Variants in XKR6 observed in about 807,000 individuals in gnomAD.
XKR6 encodes the protein XK-related protein 6.
In XKR6, 22 loss-of-function variants were observed where a neutral mutation model predicts 56.7. The ratio of observed to expected loss-of-function variants is 0.39; its 90% CI spans 0.28 to 0.55. The LOEUF is 0.55. XKR6 is among the 20% of genes least tolerant of loss of function. The pLI, the probability that XKR6 is intolerant of heterozygous loss-of-function variation, is 0.66. For synonymous variants in XKR6, 524 were observed against 387.8 expected, an observed-to-expected ratio of 1.35 and a Z score of -4.13; for missense variants, 852 against 889.0, an observed-to-expected ratio of 0.96 and a Z score of 0.53.
chr8:10,977,686 T>G (rs1228263255), intron 1 of XKR6, among the ~76,000 whole-genome samples: 1 of 147,534 alleles, frequency 6.8e-6, no homozygotes, highest in African/African-American at 2.5e-5. Flanking sequence ...ATCACGGAGG[T>G]GGGTTCGGGG....
At chr8:11,023,319 C>T (rs938833715) in intron 1 of XKR6, among the ~76,000 whole-genome samples, 33 of 152,214 alleles carry the variant, frequency 2.2e-4, no homozygotes, top group Admixed American at 6.5e-5. Flanking sequence ...CACAGGCCCC[C>T]GAAGTCATCT....
intron 1 of XKR6, among the ~76,000 whole-genome samples, chr8:11,115,884 G>C (rs993999493): frequency 3.3e-5 from 5 of 152,200 alleles, no homozygotes; most frequent in African/African-American, 1.2e-4. Context: ...TTTTCATGGA[G>C]TCTAACTAAA....
chr8:11,065,277 G>A (rs927526211), intron 1 of XKR6, among the ~76,000 whole-genome samples: 1 of 152,192 alleles, frequency 6.6e-6, no homozygotes, highest in Admixed American at 6.5e-5. Context: ...TAGTCACTTC[G>A]TAACTATGAA....
At chr8:11,045,857 T>TA (rs1238687702) in intron 1 of XKR6, among the ~76,000 whole-genome samples, 3 of 152,216 alleles carry the variant, frequency 2.0e-5, no homozygotes, top group African/African-American at 7.2e-5. Context: ...ACTTGTAAGT[T>TA]AAAAAATAAA....
intron 1 of XKR6, among the ~76,000 whole-genome samples, chr8:10,929,909 T>C (rs1360899784): frequency 6.6e-6 from 1 of 152,218 alleles, no homozygotes; most frequent in Non-Finnish European, 1.5e-5. Flanking sequence ...TTGTAAGCCA[T>C]GGAATTGTTT....
rs372175864 is a variant in XKR6 at position 11,035,482 on chromosome 8, C to T, written c.765-110652G>A. On this transcript the variant is annotated intron_variant, in intron 1 of 2. Coordinates refer to ENST00000416569, the MANE Select transcript of XKR6 (RefSeq NM_173683.4). ...AAGTGGGGTAATCTGGGACTCATCA[C>T]ATCTACATAAAGGGAGGAGGAAGCC... Among the ~76,000 whole-genome samples, 22 of 152,270 alleles carry T rather than the reference C, an allele frequency of 1.4e-4. No individual in the cohort carries two copies. In the South Asian group the frequency reaches 4.6e-3, roughly 32 times the overall value.
chr8:11,157,216 G>C (rs769341073), intron 1 of XKR6, among the ~76,000 whole-genome samples: 11 of 152,164 alleles, frequency 7.2e-5, no homozygotes, highest in Non-Finnish European at 1.5e-4. Context: ...GCGCAGAGGA[G>C]ACAGAGACAT....
chr8:11,134,560 T>C (rs1222690641), intron 1 of XKR6, among the ~76,000 whole-genome samples: 1 of 152,148 alleles, frequency 6.6e-6, no homozygotes, highest in Non-Finnish European at 1.5e-5. Flanking sequence ...GTTAAGATTT[T>C]TAGGAAACTG....
intron 1 of XKR6, among the ~76,000 whole-genome samples, chr8:10,990,011 T>A (rs1797952606): frequency 6.6e-6 from 1 of 152,242 alleles, no homozygotes; most frequent in African/African-American, 2.4e-5. Flanking sequence ...GGAGTCGGGT[T>A]ATGGACACTG....
intron 1 of XKR6, among the ~76,000 whole-genome samples, chr8:11,111,481 C>T (rs1281279292): frequency 2.0e-5 from 3 of 152,164 alleles, no homozygotes; most frequent in Non-Finnish European, 4.4e-5. Flanking sequence ...TTTGTCTTTA[C>T]TGCCTTTAGG....
At chr8:10,974,482 C>A (rs1393392177) in intron 1 of XKR6, among the ~76,000 whole-genome samples, 1 of 152,214 alleles carries the variant, frequency 6.6e-6, no homozygotes, top group African/African-American at 2.4e-5. Context: ...CAATCCTAAG[C>A]CTGGGCCACG....
intron 1 of XKR6, among the ~76,000 whole-genome samples, chr8:11,199,062 C>G (rs1414290726): frequency 6.6e-6 from 1 of 152,210 alleles, no homozygotes; most frequent in East Asian, 1.9e-4. Context: ...CTTATAACAG[C>G]TAAAAGTTAA....
At position 11,062,752 on chromosome 8, in the gene XKR6, G is replaced by A. The variant is rs142630450; in HGVS notation, c.764+137824C>T. 473 of 456,196 alleles carry A rather than the reference G, an allele frequency of 1.0e-3. 5 individuals are homozygous for A. Among genetic ancestry groups the A allele is most frequent in the African/African-American group, 8.1e-3 (405 of 50,158 alleles). 28.3% of individuals were successfully genotyped at this position (456,196 alleles called of 1,614,324 possible). A position where few individuals can be genotyped will look rare whatever the true frequency, so the allele number is the denominator to read the frequency against. ...TAAATACTGTGACATAAACAGCTACGTACTTACAGAAATTGTTCTCTCTTT... is the reference window on the plus strand; with the variant it reads ...TAAATACTGTGACATAAACAGCTACATACTTACAGAAATTGTTCTCTCTTT... On this transcript the variant is annotated intron_variant, in intron 1 of 2. Transcript: ENST00000416569.
At chr8:11,034,463 A>G (rs570364243) in intron 1 of XKR6, among the ~76,000 whole-genome samples, 3 of 152,354 alleles carry the variant, frequency 2.0e-5, no homozygotes, top group African/African-American at 7.2e-5. Context: ...AATGTACCAC[A>G]TGAAGCACAA....
intron 1 of XKR6, among the ~76,000 whole-genome samples, chr8:11,048,571 C>G (rs1197297439): frequency 6.6e-6 from 1 of 152,176 alleles, no homozygotes; most frequent in Non-Finnish European, 1.5e-5. Flanking sequence ...TCGGCGAAAC[C>G]TGGAGATGTG....
At chr8:10,945,857 A>G (rs999048120) in intron 1 of XKR6, among the ~76,000 whole-genome samples, 3 of 152,108 alleles carry the variant, frequency 2.0e-5, no homozygotes, top group Admixed American at 6.5e-5. Context: ...AGAGCAGCTC[A>G]TGGGAACTCC....
intron 1 of XKR6, among the ~76,000 whole-genome samples, chr8:11,126,488 T>C (rs1377452240): frequency 6.6e-6 from 1 of 152,174 alleles, no homozygotes. Flanking sequence ...AAAGCGAATG[T>C]GTCATTAGTC....
intron 1 of XKR6, among the ~76,000 whole-genome samples, chr8:11,090,726 G>T (rs1032928044): frequency 3.9e-5 from 6 of 151,922 alleles, no homozygotes; most frequent in South Asian, 2.1e-4. Context: ...TTTATAAATT[G>T]GGTCTTTTTT....
At chr8:11,189,540 CCTT>C (rs1241197518) in intron 1 of XKR6, among the ~76,000 whole-genome samples, 5 of 152,186 alleles carry the variant, frequency 3.3e-5, no homozygotes, top group African/African-American at 1.2e-4. Flanking sequence ...CACCTGAGGA[CCTT>C]CTTTTATCCA....
Sources: gnomAD v4.1 joint callset for allele counts (sites outside exome capture counted in the v4.1 genomes callset) on GRCh38, gnomAD v4.1.1 for gene constraint, MANE v1.5 for transcripts, NCBI Gene and HGNC (gene_info 2026-07-23, HGNC 2026-07-21) for gene names.